The following DAB1 variants were observed in gnomAD, a reference collection of about 807,000 sequenced individuals.
DAB1 encodes the protein DAB adaptor protein 1.
DAB1 carries 15 observed loss-of-function variants against 64.6 expected under a neutral mutation model. The ratio of observed to expected loss-of-function variants is 0.23; its 90% CI spans 0.16 to 0.36. The LOEUF (loss-of-function observed/expected upper bound fraction) is 0.36. Ranked by LOEUF, DAB1 falls within the 10% of genes least tolerant of loss-of-function variation. DAB1 has a pLI of 1.00. For synonymous variants in DAB1, 235 were observed against 251.9 expected, an observed-to-expected ratio of 0.93 and a Z score of 0.64; for missense variants, 596 against 706.7, an observed-to-expected ratio of 0.84 and a Z score of 1.78.
At chr1:57,781,941 A>C (rs1397005700) in intron 6 of DAB1, among the ~76,000 whole-genome samples, 1 of 152,196 alleles carries the variant, frequency 6.6e-6, no homozygotes, top group East Asian at 1.9e-4. Context: ...CAATAGATCC[A>C]GAAGGGCAAG....
At chr1:58,170,815 G>A (rs1656127040) in intron 4 of DAB1, among the ~76,000 whole-genome samples, 1 of 152,166 alleles carries the variant, frequency 6.6e-6, no homozygotes, top group African/African-American at 2.4e-5. Context: ...CCCCCAACCA[G>A]ATGATCCAAC....
chr1:58,508,413 C>A (rs1646023069), intron 2 of DAB1, among the ~76,000 whole-genome samples: 1 of 152,192 alleles, frequency 6.6e-6, no homozygotes, highest in Non-Finnish European at 1.5e-5. Context: ...TATACGAATT[C>A]CCTTTGTGAG....
At position 57,770,277 on chromosome 1, in the gene DAB1, C is replaced by T. The variant is rs3131744; in HGVS notation, n.551+113722G>A. On this transcript the variant is annotated intron_variant and non_coding_transcript_variant, in intron 6 of 20. Transcript: ENST00000485760. ...TAATAAAAAAGCCTGTTTTTCTTAT[C>T]GATTGATTGATTGACAGGGCCTCAC... Among the ~76,000 whole-genome samples the T allele has an allele frequency of 4.8e-3, 726 of 152,088 alleles. 2 individuals carry two copies. Among genetic ancestry groups the T allele is most frequent in the African/African-American group, 0.016 (678 of 41,510 alleles).
chr1:57,993,990 A>G (rs1204776250), intron 5 of DAB1, among the ~76,000 whole-genome samples: 4 of 152,208 alleles, frequency 2.6e-5, no homozygotes, highest in African/African-American at 9.7e-5. Flanking sequence ...TAAACCAAAG[A>G]GGTCTCTCTC....
chr1:57,340,131 C>T (rs887432663), intron 1 of DAB1, among the ~76,000 whole-genome samples: 9 of 152,212 alleles, frequency 5.9e-5, no homozygotes, highest in South Asian at 2.1e-4. Flanking sequence ...GAAGGCATTA[C>T]GGCAGGCTTA....
intron 5 of DAB1, among the ~76,000 whole-genome samples, chr1:58,011,902 G>C (rs1325338429): frequency 6.6e-6 from 1 of 152,084 alleles, no homozygotes; most frequent in East Asian, 1.9e-4. Flanking sequence ...TGTTGGCTAG[G>C]CTGATCTCAA....
At chr1:57,180,903 G>T (rs1662855508) in intron 2 of DAB1, among the ~76,000 whole-genome samples, 1 of 152,160 alleles carries the variant, frequency 6.6e-6, no homozygotes, top group Admixed American at 6.5e-5. Flanking sequence ...CATTGGCATG[G>T]TCATAGCACT....
intron 1 of DAB1, among the ~76,000 whole-genome samples, chr1:57,345,159 G>A (rs551443197): frequency 3.9e-5 from 6 of 152,064 alleles, no homozygotes; most frequent in Admixed American, 1.3e-4. Flanking sequence ...AGTCTTTCCC[G>A]ATGTTTCAGC....
At chr1:57,672,482 G>C (rs994383639) in intron 6 of DAB1, among the ~76,000 whole-genome samples, 4 of 152,050 alleles carry the variant, frequency 2.6e-5, no homozygotes, top group African/African-American at 9.7e-5. Flanking sequence ...CTGCTTTCTA[G>C]TGGGGTCTTA....
Position 57,056,869 on chromosome 1 carries a change from A to G in DAB1, c.723+6015T>C, listed in dbSNP as rs547900647. On this transcript the variant is annotated intron_variant, in intron 9 of 14. Transcript: ENST00000371236. Reference sequence around the variant, plus strand: ...ACAGAGCGAGACTCTGTCTCAAAGGAAAAAAAAAAAGTTCGGTAGAAATAC... The same window carrying G: ...ACAGAGCGAGACTCTGTCTCAAAGGGAAAAAAAAAAGTTCGGTAGAAATAC... 9.4e-5 allele frequency among the ~76,000 whole-genome samples: 14 copies of G among 148,598 alleles called. No homozygotes were observed. In the South Asian group the frequency reaches 2.8e-3, roughly 30 times the overall value.
chr1:57,014,986 G>T lies in DAB1; in HGVS notation c.1341C>A (p.Phe447Leu), dbSNP rs1204136428. Residue 447 changes from phenylalanine to leucine, a missense_variant, in exon 12 of 15, where the codon TTC becomes TTA. By Grantham distance (22) the Phe-to-Leu change is conservative. This residue lies in a region of DAB1 where 377 missense variants were observed against 400.4 expected (regional missense o/e 0.94). Transcript: ENST00000371236. Reference protein sequence around the residue: ...TCTSEAFSSYFNKVGVAQDTD... With the variant: ...TCTSEAFSSYLNKVGVAQDTD... ...TATCCTGTGCCACCCCGACTTTGTT[G>T]AAGTAACTGGAGAAGGCCTCTGAGG... The T allele has an allele frequency of 6.2e-7, 1 of 1,614,170 alleles. No individual in the cohort carries two copies. Among genetic ancestry groups the T allele is most frequent in the Admixed American group, 1.7e-5 (1 of 60,012 alleles).
At chr1:57,309,948 CA>C (rs1196292177) in intron 1 of DAB1, among the ~76,000 whole-genome samples, 4 of 152,152 alleles carry the variant, frequency 2.6e-5, no homozygotes, top group Non-Finnish European at 2.9e-5. Context: ...TGTTCTGCCA[CA>C]AACATCATCA....
At chr1:57,366,523 G>T (rs955451132) in intron 1 of DAB1, among the ~76,000 whole-genome samples, 3 of 152,208 alleles carry the variant, frequency 2.0e-5, no homozygotes, top group Admixed American at 1.3e-4. Context: ...GGGACACTAG[G>T]ATTCCATCCC....
intron 4 of DAB1, among the ~76,000 whole-genome samples, chr1:58,189,380 T>C (rs1466205459): frequency 6.6e-6 from 1 of 152,254 alleles, no homozygotes; most frequent in Non-Finnish European, 1.5e-5. Flanking sequence ...TGTCATTCTA[T>C]TAATTTTACA....
At chr1:57,082,137 G>A (rs186473218) in intron 4 of DAB1, among the ~76,000 whole-genome samples, 85 of 152,248 alleles carry the variant, frequency 5.6e-4, no homozygotes, top group African/African-American at 2.0e-3. Flanking sequence ...ATCAGAGAAG[G>A]CAAATACGGC....
chr1:57,269,704 C>T (rs768430123), intron 2 of DAB1, among the ~76,000 whole-genome samples: 2 of 152,160 alleles, frequency 1.3e-5, no homozygotes, highest in Non-Finnish European at 2.9e-5. Context: ...CCCCAACTTG[C>T]TTAACTCTTT....
At chr1:57,673,235 A>C (rs919245158) in intron 6 of DAB1, among the ~76,000 whole-genome samples, 9 of 152,118 alleles carry the variant, frequency 5.9e-5, no homozygotes, top group Non-Finnish European at 1.2e-4. Context: ...TAAAGGTACT[A>C]ATCATAATCA....
chr1:58,279,959 T>C (rs1013938859), intron 4 of DAB1, among the ~76,000 whole-genome samples: 1 of 152,132 alleles, frequency 6.6e-6, no homozygotes. Flanking sequence ...CATGCATTTA[T>C]ATTGGCCTCA....
At chr1:57,362,874 G>A (rs1679669774) in intron 1 of DAB1, among the ~76,000 whole-genome samples, 1 of 152,054 alleles carries the variant, frequency 6.6e-6, no homozygotes, top group African/African-American at 2.4e-5. Flanking sequence ...ATTCTTTACC[G>A]TTAGCACTTC....
Sources: gnomAD v4.1 joint callset for allele counts (sites outside exome capture counted in the v4.1 genomes callset) on GRCh38, gnomAD v4.1.1 for gene constraint, gnomAD v4.1.1 regional missense constraint, MANE v1.5 for transcripts, NCBI Gene and HGNC (gene_info 2026-07-23, HGNC 2026-07-21) for gene names.